The following CACNB4 variants were observed in gnomAD, a reference collection of about 807,000 sequenced individuals.
The protein encoded by CACNB4 is calcium voltage-gated channel auxiliary subunit beta 4.
A neutral mutation model predicts 71.2 loss-of-function variants in CACNB4; 32 were observed. That is an observed-to-expected ratio of 0.45 (90% confidence interval 0.34 to 0.60). The LOEUF (loss-of-function observed/expected upper bound fraction) is 0.60. Ranked by LOEUF, CACNB4 falls within the 20% of genes least tolerant of loss-of-function variation. CACNB4 has a pLI of 0.01. For missense variants in CACNB4, 464 were observed against 647.9 expected, an observed-to-expected ratio of 0.72 and a Z score of 3.08; for synonymous variants, 231 against 236.9, an observed-to-expected ratio of 0.97 and a Z score of 0.23.
intron 2 of CACNB4, among the ~76,000 whole-genome samples, chr2:152,007,614 C>T (rs1682803587): frequency 6.6e-6 from 1 of 152,142 alleles, no homozygotes; most frequent in Non-Finnish European, 1.5e-5. Flanking sequence ...TTTAGCCATC[C>T]GTCTGTGGAT....
intron 6 of CACNB4, chr2:151,872,072 C>A (rs574132792): frequency 3.0e-4 from 81 of 268,988 alleles, no homozygotes; most frequent in Non-Finnish European, 7.8e-5. Flanking sequence ...TGAGAGTCTG[C>A]ATCATTTTTT....
intron 2 of CACNB4, among the ~76,000 whole-genome samples, chr2:151,908,639 A>T (rs2099855384): frequency 6.6e-6 from 1 of 152,202 alleles, no homozygotes. Flanking sequence ...AAGCCAAGGG[A>T]AGACTTTAGA....
At chr2:151,855,841 A>C (rs2099840153) in intron 10 of CACNB4, among the ~76,000 whole-genome samples, 1 of 152,138 alleles carries the variant, frequency 6.6e-6, no homozygotes, top group African/African-American at 2.4e-5. Flanking sequence ...TTTTAAAAAA[A>C]CCCCACAACT....
intron 2 of CACNB4, among the ~76,000 whole-genome samples, chr2:152,079,485 C>T (rs1417460052): frequency 1.3e-5 from 2 of 152,086 alleles, no homozygotes; most frequent in Admixed American, 6.6e-5. Context: ...AAAAGAGCTG[C>T]TCTAAAATCT....
intron 2 of CACNB4, among the ~76,000 whole-genome samples, chr2:151,952,202 T>C (rs1312983430): frequency 6.6e-6 from 1 of 151,870 alleles, no homozygotes; most frequent in Non-Finnish European, 1.5e-5. Flanking sequence ...AACCATCCAC[T>C]CAGAATGGAA....
rs1208590863 is a variant in CACNB4 at position 151,950,295 on chromosome 2, G to A, written c.148-66925C>T. Among the ~76,000 whole-genome samples the A allele has an allele frequency of 4.6e-5, 7 of 152,020 alleles. No individual in the cohort carries two copies. The East Asian group carries it at 1.4e-3, about 29-fold the overall frequency. ...TACATTTTTAGCCTTGTTCCAAGAT[G>A]CACAGAGTTTCTATAGAGACAGTCA... On this transcript the variant is annotated intron_variant, in intron 2 of 13. Coordinates refer to ENST00000539935, the MANE Select transcript of CACNB4 (RefSeq NM_000726.5).
Position 152,055,681 on chromosome 2 carries a change from C to T in CACNB4, c.147+42649G>A, listed in dbSNP as rs574530864. Among the ~76,000 whole-genome samples the T allele has an allele frequency of 3.3e-5, 5 of 152,308 alleles. No individual in the cohort carries two copies. The South Asian group carries it at 1.0e-3, about 32-fold the overall frequency. Reference sequence around the variant, plus strand: ...AGGCTTTTAAGCTTCTGGAGCCTTTCAGAATTGTTAATTAATCCTTAAAAT... The same window carrying T: ...AGGCTTTTAAGCTTCTGGAGCCTTTTAGAATTGTTAATTAATCCTTAAAAT... On this transcript the variant is annotated intron_variant, in intron 2 of 13. Transcript: ENST00000539935.
At chr2:151,865,067 T>A (rs2099842721) in intron 9 of CACNB4, among the ~76,000 whole-genome samples, 1 of 152,240 alleles carries the variant, frequency 6.6e-6, no homozygotes, top group African/African-American at 2.4e-5. Flanking sequence ...AGTGGCTGTT[T>A]ATGAGTCTGC....
At chr2:152,023,629 A>T (rs2105140914) in intron 2 of CACNB4, among the ~76,000 whole-genome samples, 1 of 152,090 alleles carries the variant, frequency 6.6e-6, no homozygotes, top group Non-Finnish European at 1.5e-5. Context: ...GAGACAGGGT[A>T]TCACCATGTT....
intron 4 of CACNB4, among the ~76,000 whole-genome samples, chr2:151,879,158 T>C (rs893571197): frequency 6.6e-6 from 1 of 152,216 alleles, no homozygotes; most frequent in African/African-American, 2.4e-5. Flanking sequence ...CATAGTTTCC[T>C]AGGGCTTAAG....
In CACNB4 at chr2:151,942,902, C is replaced by T. The variant is rs188665931; in HGVS notation, c.148-59532G>A. 6.5e-3 allele frequency among the ~76,000 whole-genome samples: 992 copies of T among 152,252 alleles called. 12 individuals are homozygous for T. Among genetic ancestry groups the T allele is most frequent in the African/African-American group, 0.023 (937 of 41,538 alleles). Reference sequence around the variant, plus strand: ...AAGATATTTATCAAGACAATATGTGCACTGCTGAACATAGACCCTTATCAG... The same window carrying T: ...AAGATATTTATCAAGACAATATGTGTACTGCTGAACATAGACCCTTATCAG... On this transcript the variant is annotated intron_variant, in intron 2 of 13. Transcript: ENST00000539935.
intron 2 of CACNB4, among the ~76,000 whole-genome samples, chr2:152,014,903 A>G (rs568118427): frequency 1.3e-5 from 2 of 152,328 alleles, no homozygotes; most frequent in South Asian, 4.1e-4. Flanking sequence ...ACTTAATTTA[A>G]TTATCCAAAG....
chr2:151,937,747 C>A (rs759718524), intron 2 of CACNB4, among the ~76,000 whole-genome samples: 2 of 152,158 alleles, frequency 1.3e-5, no homozygotes, highest in Admixed American at 1.3e-4. Context: ...TATTTGATGG[C>A]TGCTAAATGG....
chr2:151,833,153 T>C lies in CACNB4; in HGVS notation c.*5966A>G, dbSNP rs190627839. ...TTATCCCACTTTGTCAATGGAGATA[T>C]AGCAATAGCCTGGGATTTCAACAGC... On this transcript the variant is annotated 3_prime_UTR_variant, in exon 14 of 14. Coordinates refer to ENST00000539935, the MANE Select transcript of CACNB4 (RefSeq NM_000726.5). The C allele has an allele frequency of 2.6e-5, 4 of 152,296 alleles. No homozygotes were observed. Among genetic ancestry groups the C allele is most frequent in the East Asian group, 3.9e-4 (2 of 5,194 alleles). 9.4% of individuals were successfully genotyped at this position (152,296 alleles called of 1,614,324 possible). A position where few individuals can be genotyped will look rare whatever the true frequency, so the allele number is the denominator to read the frequency against.
At chr2:151,944,678 G>A (rs1349682926) in intron 2 of CACNB4, among the ~76,000 whole-genome samples, 1 of 152,146 alleles carries the variant, frequency 6.6e-6, no homozygotes, top group Non-Finnish European at 1.5e-5. Flanking sequence ...TGTAATCCCA[G>A]ATACTCAGGA....
chr2:152,056,360 C>CAA (rs138908104), intron 2 of CACNB4, among the ~76,000 whole-genome samples: 108 of 96,254 alleles, frequency 1.1e-3, no homozygotes, highest in African/African-American at 3.3e-3. Context: ...GACTCTGTCT[C>CAA]AAAAAAAAAA....
intron 2 of CACNB4, chr2:152,048,588 CTTA>C (rs1168732997): frequency 6.6e-6 from 1 of 152,280 alleles, no homozygotes; most frequent in Non-Finnish European, 1.5e-5. Flanking sequence ...TCTCTCCCAC[CTTA>C]TTCTTTGCCA....
intron 2 of CACNB4, among the ~76,000 whole-genome samples, chr2:151,900,560 T>C (rs1342647862): frequency 6.6e-6 from 1 of 152,086 alleles, no homozygotes; most frequent in African/African-American, 2.4e-5. Context: ...GAAATAAAAT[T>C]GTAGAGTAGA....
chr2:151,986,862 T>C (rs181340621), intron 2 of CACNB4, among the ~76,000 whole-genome samples: 4 of 152,220 alleles, frequency 2.6e-5, no homozygotes, highest in African/African-American at 7.2e-5. Context: ...GAGTCACACA[T>C]TGAATTGTTA....
Sources: allele counts gnomAD v4.1 joint callset (sites outside exome capture counted in the v4.1 genomes callset), GRCh38; gene constraint gnomAD v4.1.1; transcripts MANE v1.5; gene names NCBI Gene and HGNC (gene_info 2026-07-23, HGNC 2026-07-21).